Variants in HDAC5 observed in about 807,000 individuals in gnomAD.
The protein encoded by HDAC5 is antigen NY-CO-9.
A neutral mutation model predicts 133.3 loss-of-function variants in HDAC5; 25 were observed. The ratio of observed to expected loss-of-function variants is 0.19; its 90% CI spans 0.14 to 0.26. The LOEUF is 0.26. Among genes scored for constraint, HDAC5 ranks in the 10% least tolerant of loss-of-function variants. HDAC5 has a pLI of 1.00. For synonymous variants in HDAC5, 589 were observed against 610.8 expected, an observed-to-expected ratio of 0.96 and a Z score of 0.53; for missense variants, 1,041 against 1,460.5, an observed-to-expected ratio of 0.71 and a Z score of 4.68.
chr17:44,118,537 CAGTAT>C (rs1160181464), intron 1 of HDAC5, among the ~76,000 whole-genome samples: 2 of 152,132 alleles, frequency 1.3e-5, no homozygotes, highest in Non-Finnish European at 2.9e-5. Flanking sequence ...CTGCTGAGGC[CAGTAT>C]AGTAAAGGAG....
At chr17:44,119,137 T>C (rs945273880) in intron 1 of HDAC5, among the ~76,000 whole-genome samples, 4 of 152,018 alleles carry the variant, frequency 2.6e-5, no homozygotes, top group Admixed American at 1.3e-4. Context: ...AGGTATGGGA[T>C]TAAGACAAAA....
chr17:44,121,400 A>G (rs1367391615), intron 1 of HDAC5, among the ~76,000 whole-genome samples: 2 of 151,680 alleles, frequency 1.3e-5, no homozygotes, highest in Non-Finnish European at 2.9e-5. Flanking sequence ...TGCTCCAAAA[A>G]TGCCAAGAAC....
At chr17:44,116,790 G>A (rs1442118010) in intron 2 of HDAC5, among the ~76,000 whole-genome samples, 1 of 152,154 alleles carries the variant, frequency 6.6e-6, no homozygotes, top group East Asian at 1.9e-4. Context: ...TGCACATCAA[G>A]CTGCCTAGAG....
intron 22 of HDAC5, 44 bp downstream of exon 22, chr17:44,080,357 C>T: frequency 6.3e-7 from 1 of 1,589,478 alleles, no homozygotes; most frequent in Non-Finnish European, 8.6e-7. Flanking sequence ...CTGCAGGGCC[C>T]AGAGGGGCTC....
chr17:44,103,480 G>A (rs1002894319), intron 3 of HDAC5, among the ~76,000 whole-genome samples: 1 of 152,290 alleles, frequency 6.6e-6, no homozygotes. Context: ...CAAGACACAG[G>A]GCACCACCCT....
intron 2 of HDAC5, among the ~76,000 whole-genome samples, chr17:44,115,169 AG>A (rs2052575661): frequency 6.6e-6 from 1 of 152,208 alleles, no homozygotes; most frequent in Admixed American, 6.5e-5. Flanking sequence ...CAAACTGAAA[AG>A]CTCCTACGCT....
At chr17:44,084,703 A>G in intron 15 of HDAC5, 28 bp from the exon 16 acceptor site, 1 of 1,611,812 alleles carries the variant, frequency 6.2e-7, no homozygotes. Context: ...AAGAGGGGTC[A>G]CACAAAGGCA....
rs1405855889 is a variant in HDAC5 at position 44,117,622 on chromosome 17, G to A, written c.-107C>T. 1.1e-5 allele frequency: 15 copies of A among 1,349,042 alleles called. No homozygotes were observed. Among genetic ancestry groups the A allele is most frequent in the African/African-American group, 7.1e-5 (5 of 70,024 alleles). The allele number at this position is 1,349,042 out of a possible 1,614,324, so 83.6% of individuals were successfully genotyped here. The stretch of plus-strand genomic sequence containing the variant: ...ACGATAACAGACAGACGGACGGGAC[G>A]GGAGCCCGGGGCCGCCGTGCCTCTA... On this transcript the variant is annotated 5_prime_UTR_variant, in exon 2 of 27. Transcript: ENST00000682912. This position sits in a 1 kb window ranked among gnomAD's most constrained non-coding sequence, Gnocchi z 4.2.
intron 6 of HDAC5, 63 bp from the exon 7 acceptor site, chr17:44,092,869 G>A (rs2051030833): frequency 2.9e-6 from 2 of 695,444 alleles, no homozygotes; most frequent in Non-Finnish European, 2.4e-6. Flanking sequence ...TGCTGGACCT[G>A]CCACCTGGCA....
rs1313398546 is a variant in HDAC5, at chr17:44,093,294, C to G, written c.526+20G>C. ...CATCACGGGCGGGGCCCTACGAGGT[C>G]CCAGGAGGCCCTGCCTTACTCTCTT... On this transcript the variant is annotated intron_variant, in intron 5 of 26. Coordinates refer to ENST00000682912, the MANE Select transcript of HDAC5 (RefSeq NM_005474.5). 1 of 1,581,018 alleles carries G rather than the reference C, an allele frequency of 6.3e-7. No individual in the cohort carries two copies. Among genetic ancestry groups the G allele is most frequent in the Non-Finnish European group, 8.6e-7 (1 of 1,160,780 alleles).
Position 44,086,558 on chromosome 17 carries a change from T to A in HDAC5, c.2050+14A>T, listed in dbSNP as rs201746453. The A allele has an allele frequency of 3.9e-3, 5,054 of 1,297,826 alleles. 9 individuals carry two copies. Among genetic ancestry groups the A allele is most frequent in the Non-Finnish European group, 4.6e-3 (4,636 of 1,015,400 alleles). 80.4% of individuals were successfully genotyped at this position (1,297,826 alleles called of 1,614,324 possible). A position where few individuals can be genotyped will look rare whatever the true frequency, so the allele number is the denominator to read the frequency against. ...GTGCCTGGCAGAAGGACCTAACAGT[T>A]GGTGGGGGCTCACCTGTGGTGAAGA... On this transcript the variant is annotated intron_variant, in intron 14 of 26. Coordinates refer to ENST00000682912, the MANE Select transcript of HDAC5 (RefSeq NM_005474.5).
In HDAC5 at chr17:44,091,705, G is replaced by A. The variant is rs1325903557; in HGVS notation, c.1159C>T (p.Leu387Phe). ...GGTATATGCCCTGTACTTACAGTGAGGTGTGAGTTGGTGACAGTGACCGTG... is the reference window on the plus strand; with the variant it reads ...GGTATATGCCCTGTACTTACAGTGAAGTGTGAGTTGGTGACAGTGACCGTG... Reference protein sequence around the residue: ...QATVTVTNSHLTASPKLSTQQ... With the variant: ...QATVTVTNSHFTASPKLSTQQ... Residue 387 changes from leucine to phenylalanine, a missense_variant, in exon 10 of 27, where the codon CTC (leucine) becomes TTC (phenylalanine). By Grantham distance (22) the Leu-to-Phe change is conservative. Transcript: ENST00000682912. 1 of 1,564,100 alleles carries A rather than the reference G, an allele frequency of 6.4e-7. No homozygotes were observed. The highest frequency in any genetic ancestry group is 8.6e-7 in the Non-Finnish European group (1 of 1,156,164).
intron 23 of HDAC5, among the ~76,000 whole-genome samples, 162 bp downstream of exon 23, chr17:44,079,945 G>A (rs1417993905): frequency 6.6e-6 from 1 of 152,088 alleles, no homozygotes; most frequent in Non-Finnish European, 1.5e-5. Context: ...GCCGGGGTTG[G>A]CAGAGGACAA....
At chr17:44,082,742 G>T in intron 19 of HDAC5, 23 bp downstream of exon 19, 1 of 1,598,600 alleles carries the variant, frequency 6.3e-7, no homozygotes, top group South Asian at 1.1e-5. Flanking sequence ...AAGGGGCGAG[G>T]GCAGAGAATC....
intron 3 of HDAC5, among the ~76,000 whole-genome samples, chr17:44,097,167 G>T (rs573503962): frequency 6.6e-6 from 1 of 152,392 alleles, no homozygotes; most frequent in African/African-American, 2.4e-5. Context: ...CAGGAGCAAG[G>T]CCTGCTGGAG....
rs183676321 is a variant in HDAC5 at position 44,114,505 on chromosome 17, G to A, written c.22+2989C>T. On this transcript the variant is annotated intron_variant, in intron 2 of 26. Transcript: ENST00000682912. The stretch of plus-strand genomic sequence containing the variant: ...AGAGAAAGTGTGAAGGTTCTGGGAG[G>A]CGCTGGGCAGGCAGGTGTTGTCATG... 3.2e-3 allele frequency among the ~76,000 whole-genome samples: 482 copies of A among 152,330 alleles called. 1 individual carries two copies. The highest frequency in any genetic ancestry group is 4.6e-3 in the Non-Finnish European group (315 of 68,012).
intron 3 of HDAC5, among the ~76,000 whole-genome samples, chr17:44,104,448 T>G (rs1475476411): frequency 3.3e-5 from 5 of 152,226 alleles, no homozygotes; most frequent in Admixed American, 3.3e-4. Context: ...AGGGAAGTCT[T>G]AGCACTCATT....
intron 14 of HDAC5, 156 bp from the exon 15 acceptor site, chr17:44,085,311 C>T: frequency 1.7e-6 from 1 of 596,822 alleles, no homozygotes; most frequent in Non-Finnish European, 2.6e-6. Context: ...CAAACCTGCC[C>T]CCTCTCCTCT....
In HDAC5 at chr17:44,078,937, C is replaced by T. The variant is rs899922945; in HGVS notation, c.3079-58G>A. On this transcript the variant is annotated intron_variant, in intron 24 of 26. Coordinates refer to ENST00000682912, the MANE Select transcript of HDAC5 (RefSeq NM_005474.5). ...GGGAGTAGGGTTGCCATGCATACCC[C>T]TCTAACTGCCCCACTCAGCCCCAGA... 1.2e-5 allele frequency: 19 copies of T among 1,561,778 alleles called. No homozygotes were observed. In the African/African-American group the frequency reaches 2.3e-4, roughly 19 times the overall value.
Sources: gnomAD v4.1 joint callset for allele counts (sites outside exome capture counted in the v4.1 genomes callset) on GRCh38, gnomAD v4.1.1 for gene constraint, Gnocchi (gnomAD v3.1) non-coding constraint, MANE v1.5 for transcripts, NCBI Gene and HGNC (gene_info 2026-07-23, HGNC 2026-07-21) for gene names.